The following COX10 variants were observed in gnomAD, a reference collection of about 807,000 sequenced individuals.
COX10 encodes the protein protoheme IX farnesyltransferase, mitochondrial.
Under a neutral mutation model 37.3 loss-of-function variants are expected in COX10, and 27 were observed. That is an observed-to-expected ratio of 0.72 (90% CI 0.53 to 1.00). The LOEUF is 1.00. COX10 is among the 50% of genes least tolerant of loss of function. The pLI is 0.00. For missense variants in COX10, 475 were observed against 563.2 expected (o/e 0.84, Z 1.59); for synonymous variants, 222 against 229.1 (o/e 0.97, Z 0.28).
At chr17:14,118,909 A>G (rs971527261) in intron 4 of COX10, among the ~76,000 whole-genome samples, 2 of 150,734 alleles carry the variant, frequency 1.3e-5, no homozygotes, top group Non-Finnish European at 3.0e-5. Context: ...ATGTTGTCAT[A>G]TCTTCTCTTA....
chr17:14,079,247 A>G (rs1368415516), intron 3 of COX10, among the ~76,000 whole-genome samples: 3 of 152,270 alleles, frequency 2.0e-5, no homozygotes, highest in African/African-American at 4.8e-5. Flanking sequence ...CCAAATAAGT[A>G]TAGGTGAACA....
At chr17:14,085,930 A>C (rs1915399597) in intron 3 of COX10, among the ~76,000 whole-genome samples, 1 of 152,144 alleles carries the variant, frequency 6.6e-6, no homozygotes, top group Non-Finnish European at 1.5e-5. Context: ...TAAGTTTTTA[A>C]TTTTGTACTT....
intron 5 of COX10, among the ~76,000 whole-genome samples, chr17:14,187,139 G>C (rs1410977820): frequency 2.6e-5 from 4 of 151,794 alleles, no homozygotes; most frequent in African/African-American, 9.7e-5. Context: ...GTGTAAACTT[G>C]TGCAAACTCT....
rs185307872 is a variant in COX10, at chr17:14,200,754, A to G, written c.929-6056A>G. ...GAAGTGGACATTTCTTTCAAACATGATTAAACCAAATGTGTACAAAGATTG... is the reference window on the plus strand; with the variant it reads ...GAAGTGGACATTTCTTTCAAACATGGTTAAACCAAATGTGTACAAAGATTG... On this transcript the variant is annotated intron_variant, in intron 6 of 6. Coordinates refer to ENST00000261643, the MANE Select transcript of COX10 (RefSeq NM_001303.4). Among the ~76,000 whole-genome samples, 473 of 152,370 alleles carry G rather than the reference A, an allele frequency of 3.1e-3. 3 individuals carry two copies. The highest frequency in any genetic ancestry group is 3.1e-3 in the Non-Finnish European group (211 of 68,030).
At chr17:14,160,640 T>G (rs1905154790) in intron 5 of COX10, among the ~76,000 whole-genome samples, 1 of 152,212 alleles carries the variant, frequency 6.6e-6, no homozygotes, top group Non-Finnish European at 1.5e-5. Context: ...TGATAACACT[T>G]GTGAATCAAA....
At chr17:14,190,891 G>A (rs1295022773) in intron 5 of COX10, among the ~76,000 whole-genome samples, 2 of 152,196 alleles carry the variant, frequency 1.3e-5, no homozygotes, top group East Asian at 3.9e-4. Flanking sequence ...TGCACATAGG[G>A]TAAAGTCTGC....
At chr17:14,123,568 T>A (rs988514846) in intron 4 of COX10, among the ~76,000 whole-genome samples, 1 of 152,194 alleles carries the variant, frequency 6.6e-6, no homozygotes, top group African/African-American at 2.4e-5. Context: ...GAAAAAGTTA[T>A]ACAAATCATA....
chr17:14,156,412 G>A (rs1032071742), intron 4 of COX10, among the ~76,000 whole-genome samples: 5 of 151,996 alleles, frequency 3.3e-5, no homozygotes, highest in African/African-American at 9.7e-5. Flanking sequence ...TGTGTTTTTA[G>A]TAGAGACGGG....
chr17:14,075,053 T>C (rs1370685471), intron 2 of COX10, among the ~76,000 whole-genome samples: 3 of 152,194 alleles, frequency 2.0e-5, no homozygotes, highest in East Asian at 3.8e-4. Flanking sequence ...AAAAGGGTCA[T>C]AGAATGGCAA....
intron 4 of COX10, among the ~76,000 whole-genome samples, chr17:14,121,754 T>G (rs980945798): frequency 1.8e-4 from 27 of 152,132 alleles, no homozygotes; most frequent in Admixed American, 1.6e-3. Flanking sequence ...TAGAATATCA[T>G]AGAAAAAAGA....
intron 5 of COX10, among the ~76,000 whole-genome samples, chr17:14,163,226 A>G (rs953412364): frequency 5.1e-5 from 7 of 137,504 alleles, no homozygotes; most frequent in East Asian, 2.2e-4. Context: ...AGCATGGCAT[A>G]AGACAGGAAA....
intron 4 of COX10, among the ~76,000 whole-genome samples, chr17:14,148,907 A>T (rs2142231588): frequency 6.7e-6 from 1 of 148,504 alleles, no homozygotes; most frequent in Non-Finnish European, 1.5e-5. Context: ...ATTAGAATTA[A>T]TATAATATAT....
chr17:14,156,237 T>C (rs1426110277), intron 4 of COX10, among the ~76,000 whole-genome samples: 1 of 152,140 alleles, frequency 6.6e-6, no homozygotes, highest in Admixed American at 6.5e-5. Context: ...AATCTGAATT[T>C]TTTTTTTGAG....
At chr17:14,169,058 C>A (rs896286351) in intron 5 of COX10, among the ~76,000 whole-genome samples, 1 of 152,160 alleles carries the variant, frequency 6.6e-6, no homozygotes, top group African/African-American at 2.4e-5. Context: ...CAACTTCAGA[C>A]CATCTCTTTG....
intron 4 of COX10, among the ~76,000 whole-genome samples, chr17:14,132,494 A>G (rs1307798901): frequency 6.6e-6 from 1 of 151,844 alleles, no homozygotes; most frequent in Non-Finnish European, 1.5e-5. Context: ...CCTTTACCGA[A>G]TGGTGGTGGC....
rs555340865 is a variant in COX10 at position 14,080,113 on chromosome 17, A to G, written c.499+3057A>G. Among the ~76,000 whole-genome samples, 3 of 152,180 alleles carry G rather than the reference A, an allele frequency of 2.0e-5. No individual in the cohort carries two copies. The East Asian group carries it at 5.8e-4, about 29-fold the overall frequency. ...CTTTAGGATCAGTACTTAGAAATGT[A>G]ATAGCTAGCTTTAAACATTTAAATC... On this transcript the variant is annotated intron_variant, in intron 3 of 6. Transcript: ENST00000261643.
Position 14,077,064 on chromosome 17 carries a change from G to GT in COX10, c.499+13dup, listed in dbSNP as rs1567585755. ...CCAAAATCAAACTCACAGGTACTTT[G>GT]TTTTTCTGATATACTTACTTATTTG... On this transcript the variant is annotated intron_variant, in intron 3 of 6. Transcript: ENST00000261643. 1 of 1,613,398 alleles carries GT rather than the reference G, an allele frequency of 6.2e-7. No homozygotes were observed. The highest frequency in any genetic ancestry group is 1.7e-5 in the Admixed American group (1 of 59,974).
At chr17:14,078,293 G>T (rs1915201555) in intron 3 of COX10, among the ~76,000 whole-genome samples, 1 of 152,072 alleles carries the variant, frequency 6.6e-6, no homozygotes, top group African/African-American at 2.4e-5. Context: ...TTATAATGCT[G>T]CCACCCCAAA....
chr17:14,138,165 AT>A (rs1904434021), intron 4 of COX10, among the ~76,000 whole-genome samples: 1 of 152,136 alleles, frequency 6.6e-6, no homozygotes, highest in Non-Finnish European at 1.5e-5. Context: ...GTTCTTTTCA[AT>A]AATACACACA....
Sources: allele counts gnomAD v4.1 joint callset (sites outside exome capture counted in the v4.1 genomes callset), GRCh38; gene constraint gnomAD v4.1.1; transcripts MANE v1.5; gene names NCBI Gene and HGNC (gene_info 2026-07-23, HGNC 2026-07-21).